THADA: variants seen among roughly 807,000 people sequenced by gnomAD.
The protein encoded by THADA is tRNA (32-2'-O)-methyltransferase regulator THADA.
A neutral mutation model predicts 219.8 loss-of-function variants in THADA; 213 were observed. The observed-to-expected ratio is 0.97, with a 90% CI of 0.87 to 1.09. THADA has a LOEUF of 1.09. Ranked by LOEUF, THADA falls within the 50% of genes least tolerant of loss-of-function variation. The pLI, the probability that THADA is intolerant of heterozygous loss-of-function variation, is 0.00. For synonymous variants in THADA, 1,018 were observed against 828.9 expected, an observed-to-expected ratio of 1.23 and a Z score of -3.92; for missense variants, 2,956 against 2,311.3, an observed-to-expected ratio of 1.28 and a Z score of -5.72.
At chr2:43,409,062 C>A (rs1181798681) in intron 28 of THADA, among the ~76,000 whole-genome samples, 1 of 152,148 alleles carries the variant, frequency 6.6e-6, no homozygotes, top group African/African-American at 2.4e-5. Context: ...TCATGTAGAA[C>A]CTCTTCTCTA....
chr2:43,520,772 G>A (rs765759413), intron 22 of THADA, among the ~76,000 whole-genome samples: 2 of 150,468 alleles, frequency 1.3e-5, no homozygotes, highest in African/African-American at 4.9e-5. Flanking sequence ...AACAACAAAC[G>A]GTTTACCAGT....
intron 29 of THADA, among the ~76,000 whole-genome samples, chr2:43,375,470 T>A (rs1671268786): frequency 6.6e-6 from 1 of 152,256 alleles, no homozygotes; most frequent in Admixed American, 6.5e-5. Flanking sequence ...ATGATAAGTA[T>A]ACTTGGGGTC....
chr2:43,406,164 C>T (rs1675507198), intron 28 of THADA, among the ~76,000 whole-genome samples: 1 of 152,230 alleles, frequency 6.6e-6, no homozygotes, highest in East Asian at 1.9e-4. Flanking sequence ...GTGGCAGAAA[C>T]ACAGTCCCAG....
intron 26 of THADA, among the ~76,000 whole-genome samples, chr2:43,440,205 C>T (rs1445972717): frequency 6.6e-6 from 1 of 152,068 alleles, no homozygotes; most frequent in Non-Finnish European, 1.5e-5. Context: ...ACATTATATA[C>T]ACTTTTCTGC....
At chr2:43,286,849 A>G (rs1674079494) in intron 35 of THADA, 59 bp downstream of exon 35, 2 of 1,565,604 alleles carry the variant, frequency 1.3e-6, no homozygotes, top group South Asian at 1.2e-5. Context: ...TTAGGCAAGA[A>G]TATCTATTCA....
At chr2:43,393,472 C>A (rs1673645378) in intron 29 of THADA, among the ~76,000 whole-genome samples, 1 of 152,042 alleles carries the variant, frequency 6.6e-6, no homozygotes, top group African/African-American at 2.4e-5. Flanking sequence ...TTTGGGAGGC[C>A]GAGGTTGGGG....
At chr2:43,285,077 G>A (rs990334080) in intron 35 of THADA, among the ~76,000 whole-genome samples, 1 of 152,202 alleles carries the variant, frequency 6.6e-6, no homozygotes, top group Non-Finnish European at 1.5e-5. Flanking sequence ...ACAGGCTCAT[G>A]GGTGGAAGGG....
chr2:43,254,672 T>G (rs1670129576), intron 36 of THADA, among the ~76,000 whole-genome samples: 1 of 152,186 alleles, frequency 6.6e-6, no homozygotes, highest in Non-Finnish European at 1.5e-5. Context: ...CCTTTAAGGT[T>G]TGGCTGTAAT....
chr2:43,506,946 T>C (rs945098156), intron 23 of THADA, among the ~76,000 whole-genome samples: 3 of 152,220 alleles, frequency 2.0e-5, no homozygotes, highest in Non-Finnish European at 4.4e-5. Context: ...TTATTTAGGC[T>C]CAGATAACAT....
At chr2:43,417,189 C>A (rs1677104570) in intron 28 of THADA, among the ~76,000 whole-genome samples, 2 of 150,462 alleles carry the variant, frequency 1.3e-5, no homozygotes, top group South Asian at 2.1e-4. Flanking sequence ...TTTCTAGCAA[C>A]CCTAAAGATT....
rs769385016 is a variant in THADA at position 43,398,931 on chromosome 2, C to T, written c.4059-792G>A. 5.3e-5 allele frequency among the ~76,000 whole-genome samples: 8 copies of T among 152,128 alleles called. No homozygotes were observed. The South Asian group carries it at 6.2e-4, about 12-fold the overall frequency. ...TCTGGGCTGACTCATACCCAAAGAG[C>T]GGGAATAAAAGCCAGTTCTTAAATA... is the stretch of plus-strand genomic sequence containing the variant. On this transcript the variant is annotated intron_variant, in intron 28 of 37. Transcript: ENST00000405975.
chr2:43,514,906 AT>A (rs1170670102), intron 22 of THADA, among the ~76,000 whole-genome samples: 13 of 77,346 alleles, frequency 1.7e-4, no homozygotes, highest in African/African-American at 7.3e-4. Context: ...TATGTATAAT[AT>A]ATATTTTATG....
chr2:43,272,955 T>C (rs1226626430), intron 36 of THADA, among the ~76,000 whole-genome samples: 1 of 151,758 alleles, frequency 6.6e-6, no homozygotes, highest in African/African-American at 2.4e-5. Context: ...TAGACACATA[T>C]AAATGATGGA....
At position 43,305,187 on chromosome 2, in the gene THADA, G is replaced by A. The variant is rs1288585045; in HGVS notation, c.4439-11974C>T. ...CCGTTAAAAAAATTATATTTGTAGA[G>A]AAAAGGAAACCATAGGAACAACAAC... On this transcript the variant is annotated intron_variant, in intron 31 of 37. Transcript: ENST00000405975. 2.0e-5 allele frequency among the ~76,000 whole-genome samples: 3 copies of A among 151,896 alleles called. 1 individual carries two copies. Among genetic ancestry groups the A allele is most frequent in the Non-Finnish European group, 4.4e-5 (3 of 67,950 alleles).
intron 20 of THADA, among the ~76,000 whole-genome samples, chr2:43,545,839 A>G (rs1490289447): frequency 5.3e-5 from 8 of 151,930 alleles, no homozygotes; most frequent in Non-Finnish European, 7.4e-5. Context: ...TGGATTCATT[A>G]ATTTTTTGAA....
intron 36 of THADA, among the ~76,000 whole-genome samples, chr2:43,262,003 C>T (rs1194934882): frequency 6.6e-6 from 1 of 152,186 alleles, no homozygotes; most frequent in Non-Finnish European, 1.5e-5. Flanking sequence ...AACTCCTGAC[C>T]TCAGGTGATC....
chr2:43,585,835 TATTCTC>T (rs1700964975), intron 7 of THADA, among the ~76,000 whole-genome samples: 3 of 152,204 alleles, frequency 2.0e-5, no homozygotes, highest in South Asian at 2.1e-4. Context: ...TTCTTTCACT[TATTCTC>T]ATAACAATTT....
intron 34 of THADA, among the ~76,000 whole-genome samples, chr2:43,289,873 A>T (rs1281812396): frequency 6.6e-6 from 1 of 151,658 alleles, no homozygotes; most frequent in Non-Finnish European, 1.5e-5. Context: ...GGTTGGTCTC[A>T]AACTCCTGAC....
At position 43,508,749 on chromosome 2, in the gene THADA, C is replaced by G. The variant is rs745579683; in HGVS notation, c.3406G>C (p.Glu1136Gln). ...CPNVSLQKLP[E>Q]QWLWSVLEEI... ...TCTAAAACACTCCATAGCCACTGTT[C>G]TGGCAGCTTTTGCAGACTCACATTT... The change falls in exon 23 of 38, where the codon GAA becomes CAA. Residue 1136 changes from glutamate to glutamine, a missense_variant. By Grantham distance (29) the Glu-to-Gln change is conservative (BLOSUM62 2). Coordinates refer to ENST00000405975, the MANE Select transcript of THADA (RefSeq NM_022065.5). 1 of 1,613,664 alleles carries G rather than the reference C, an allele frequency of 6.2e-7. No individual in the cohort carries two copies. Among genetic ancestry groups the G allele is most frequent in the Non-Finnish European group, 8.5e-7 (1 of 1,179,688 alleles).
Sources: allele counts gnomAD v4.1 joint callset (sites outside exome capture counted in the v4.1 genomes callset), GRCh38; gene constraint gnomAD v4.1.1; transcripts MANE v1.5; gene names NCBI Gene and HGNC (gene_info 2026-07-23, HGNC 2026-07-21).